The following HPF1 variants were observed in gnomAD, a reference collection of about 807,000 sequenced individuals.
The protein encoded by HPF1 is histone PARylation factor 1.
A neutral mutation model predicts 38.8 loss-of-function variants in HPF1; 35 were observed. That is an observed-to-expected ratio of 0.90 (90% CI 0.69 to 1.19). HPF1 has a LOEUF of 1.19. Among genes scored for constraint, HPF1 ranks in the 50% most tolerant of loss-of-function variants. The pLI is 0.00. For synonymous variants in HPF1, 115 were observed against 139.2 expected (o/e 0.83, Z 1.22); for missense variants, 367 against 405.8 (o/e 0.90, Z 0.82).
chr4:169,738,169 G>A (rs1733922335), intron 5 of HPF1, among the ~76,000 whole-genome samples: 1 of 152,198 alleles, frequency 6.6e-6, no homozygotes, highest in Admixed American at 6.5e-5. Flanking sequence ...TGGTAGGACA[G>A]AACTCCTCTC....
At chr4:169,757,608 T>TGC (rs1367456361) in intron 1 of HPF1, among the ~76,000 whole-genome samples, 1 of 152,126 alleles carries the variant, frequency 6.6e-6, no homozygotes, top group East Asian at 1.9e-4. Context: ...CAGGAAATGC[T>TGC]CCAAGAGGAG....
At chr4:169,736,372 AAAAAG>A (rs1378976358) in intron 6 of HPF1, among the ~76,000 whole-genome samples, 1,780 of 150,588 alleles carry the variant, frequency 0.012, 50 homozygotes, top group African/African-American at 0.042. Flanking sequence ...AAAAAAAAAA[AAAAAG>A]AAGTAAAAAA....
intron 2 of HPF1, among the ~76,000 whole-genome samples, chr4:169,751,115 T>C (rs1734113237): frequency 6.6e-6 from 1 of 151,876 alleles, no homozygotes; most frequent in African/African-American, 2.4e-5. Flanking sequence ...TTAAGAGTAG[T>C]AAAAAACAGG....
chr4:169,732,110 A>C, intron 6 of HPF1: 1 of 356,342 alleles, frequency 2.8e-6, no homozygotes, highest in Non-Finnish European at 5.0e-6. Flanking sequence ...ATTAACGACT[A>C]TTTCACAGGA....
At chr4:169,731,603 T>G in intron 7 of HPF1, 101 bp downstream of exon 7, 2 of 836,062 alleles carry the variant, frequency 2.4e-6, no homozygotes, top group Non-Finnish European at 3.5e-6. Flanking sequence ...TCTGCTGGAA[T>G]TTGGGGGTAT....
At chr4:169,741,838 C>T (rs1733973102) in intron 5 of HPF1, 119 bp downstream of exon 5, 5 of 791,810 alleles carry the variant, frequency 6.3e-6, no homozygotes, top group Non-Finnish European at 8.0e-6. Flanking sequence ...CCCTAAGGGA[C>T]AGCATCCAGT....
chr4:169,737,309 A>T (rs980805404), intron 6 of HPF1, among the ~76,000 whole-genome samples: 8 of 119,126 alleles, frequency 6.7e-5, no homozygotes, highest in African/African-American at 3.8e-4. Context: ...AAAAAAAAAC[A>T]AACAAAAAAA....
intron 7 of HPF1, among the ~76,000 whole-genome samples, chr4:169,731,407 T>A (rs1733826114): frequency 6.6e-6 from 1 of 152,170 alleles, no homozygotes; most frequent in Non-Finnish European, 1.5e-5. Context: ...GTCCCTATAA[T>A]GTGTCTAATG....
intron 1 of HPF1, among the ~76,000 whole-genome samples, chr4:169,756,952 G>A (rs1472415774): frequency 2.0e-5 from 3 of 152,160 alleles, no homozygotes; most frequent in Non-Finnish European, 4.4e-5. Flanking sequence ...CAATATGAAG[G>A]ATGCCTATAC....
At chr4:169,740,322 T>C (rs1362801012) in intron 5 of HPF1, among the ~76,000 whole-genome samples, 1 of 152,202 alleles carries the variant, frequency 6.6e-6, no homozygotes. Flanking sequence ...ATCTATAAAA[T>C]AGGATAATTC....
rs1047706 is a variant in HPF1, at chr4:169,729,626, C to A, written c.993G>T (p.Glu331Asp). ...TCTCTTGACTTCTGTTTGCCAGATG[C>A]TCCTCAATAATTTCTGCAAACAGAT... ...KRNLFAEIIE[E>D]HLANRSQENI... The change falls in exon 8 of 8, where the codon GAG (glutamate) becomes GAT (aspartate). Residue 331 changes from glutamate to aspartate, a missense_variant. By Grantham distance (45) the Glu-to-Asp change is conservative (BLOSUM62 2). Transcript: ENST00000393381. The A allele has an allele frequency of 2.5e-6, 4 of 1,589,628 alleles. No individual in the cohort carries two copies. The Admixed American group carries it at 5.4e-5, about 21-fold the overall frequency.
intron 7 of HPF1, among the ~76,000 whole-genome samples, chr4:169,730,296 TATA>T (rs1733813020): frequency 6.6e-6 from 1 of 152,244 alleles, no homozygotes; most frequent in Non-Finnish European, 1.5e-5. Flanking sequence ...TAAACCTTTT[TATA>T]ACTCATACAT....
At chr4:169,747,385 C>A (rs904267834) in intron 4 of HPF1, among the ~76,000 whole-genome samples, 2 of 152,024 alleles carry the variant, frequency 1.3e-5, no homozygotes, top group African/African-American at 4.8e-5. Context: ...CTTGTAGATA[C>A]ACCAGTATGT....
intron 4 of HPF1, among the ~76,000 whole-genome samples, chr4:169,742,523 T>G (rs1413374978): frequency 1.1e-4 from 16 of 152,190 alleles, no homozygotes; most frequent in Non-Finnish European, 2.4e-4. Context: ...CAAGGCGCAG[T>G]GGCTCACGCC....
intron 7 of HPF1, among the ~76,000 whole-genome samples, chr4:169,730,023 C>T (rs11732885): frequency 0.5 from 76,031 of 152,034 alleles, 22,174 homozygotes; most frequent in East Asian, 0.83. Context: ...TTATTCTCTC[C>T]AGTGTATTCC....
At chr4:169,738,046 C>T (rs1733921159) in intron 5 of HPF1, among the ~76,000 whole-genome samples, 1 of 152,140 alleles carries the variant, frequency 6.6e-6, no homozygotes, top group African/African-American at 2.4e-5. Context: ...TCCTAGAAGG[C>T]AAGTCAAAAT....
chr4:169,742,903 C>T (rs1443939563), intron 4 of HPF1, among the ~76,000 whole-genome samples: 1 of 151,850 alleles, frequency 6.6e-6, no homozygotes, highest in Non-Finnish European at 1.5e-5. Flanking sequence ...GAGTTGGAGA[C>T]CAACCTGGCC....
At chr4:169,741,719 C>G (rs1477815507) in intron 5 of HPF1, among the ~76,000 whole-genome samples, 1 of 152,162 alleles carries the variant, frequency 6.6e-6, no homozygotes, top group Non-Finnish European at 1.5e-5. Context: ...AGTTATTCAA[C>G]CACAGCAGTG....
At chr4:169,742,730 T>C (rs1259242507) in intron 4 of HPF1, among the ~76,000 whole-genome samples, 1 of 152,080 alleles carries the variant, frequency 6.6e-6, no homozygotes. Context: ...AGGCAGAGCT[T>C]GCAGTGAACC....
Sources: allele counts gnomAD v4.1 joint callset (sites outside exome capture counted in the v4.1 genomes callset), GRCh38; gene constraint gnomAD v4.1.1; transcripts MANE v1.5; gene names NCBI Gene and HGNC (gene_info 2026-07-23, HGNC 2026-07-21).